Variants in MACROD2 observed in about 807,000 individuals in gnomAD.
MACROD2 encodes mono-ADP ribosylhydrolase 2.
MACROD2 carries 36 observed loss-of-function variants against 70.4 expected under a neutral mutation model. That is an observed-to-expected ratio of 0.51 (90% CI 0.39 to 0.68). MACROD2 has a LOEUF of 0.68. Ranked by LOEUF, MACROD2 falls within the 30% of genes least tolerant of loss-of-function variation. MACROD2 has a pLI of 0.00. For synonymous variants in MACROD2, 172 were observed against 178.8 expected (o/e 0.96, Z 0.30); for missense variants, 496 against 538.4 (o/e 0.92, Z 0.78).
Position 16,053,094 on chromosome 20 carries a change from GT to G in MACROD2, c.*3221del, listed in dbSNP as rs1382095539. 1 of 152,326 alleles carries G rather than the reference GT, an allele frequency of 6.6e-6. No individual in the cohort carries two copies. Among genetic ancestry groups the G allele is most frequent in the African/African-American group, 2.4e-5 (1 of 41,376 alleles). 9.4% of individuals were successfully genotyped at this position (152,326 alleles called of 1,614,324 possible). On this transcript the variant is annotated 3_prime_UTR_variant, in exon 18 of 18. Coordinates refer to ENST00000684519, the MANE Select transcript of MACROD2 (RefSeq NM_001351661.2). ...TGCTGGACTGCTTCTAAATCTGTTT[GT>G]TTCTTTTCATCTGTGCCATACACTA... is the stretch of plus-strand genomic sequence containing the variant.
At position 15,695,503 on chromosome 20, in the gene MACROD2, T is replaced by A. The variant is rs554301855; in HGVS notation, c.646-167242T>A. Among the ~76,000 whole-genome samples the A allele has an allele frequency of 1.1e-3, 160 of 151,612 alleles. 1 individual carries two copies. Among genetic ancestry groups the A allele is most frequent in the Non-Finnish European group, 1.9e-3 (131 of 67,878 alleles). On this transcript the variant is annotated intron_variant, in intron 8 of 17. Transcript: ENST00000684519. The stretch of plus-strand genomic sequence containing the variant: ...GGCTCACTGCAACTCCTCCATCTCC[T>A]GGGTTCAAGCAATTCTCTTGCCTCA...
intron 5 of MACROD2, among the ~76,000 whole-genome samples, chr20:14,815,679 A>G (rs1470715217): frequency 6.6e-6 from 1 of 152,096 alleles, no homozygotes; most frequent in African/African-American, 2.4e-5. Flanking sequence ...GTAGCACTCA[A>G]GCACAAGCGA....
At chr20:14,270,462 G>A (rs1234369264) in intron 3 of MACROD2, among the ~76,000 whole-genome samples, 2 of 151,936 alleles carry the variant, frequency 1.3e-5, no homozygotes, top group African/African-American at 2.4e-5. Context: ...GGTGGTGCAT[G>A]CCTGTAGTCC....
intron 8 of MACROD2, among the ~76,000 whole-genome samples, chr20:15,547,400 A>G (rs2048039154): frequency 6.6e-6 from 1 of 152,182 alleles, no homozygotes; most frequent in South Asian, 2.1e-4. Context: ...GCCTATCGCC[A>G]TCATTTTTTC....
At chr20:14,653,304 C>T (rs1227143663) in intron 4 of MACROD2, among the ~76,000 whole-genome samples, 1 of 151,548 alleles carries the variant, frequency 6.6e-6, no homozygotes, top group Non-Finnish European at 1.5e-5. Context: ...CTGCAAGCTC[C>T]GCCTCCCGGG....
chr20:15,745,242 G>A (rs1026582898), intron 8 of MACROD2, among the ~76,000 whole-genome samples: 3 of 151,930 alleles, frequency 2.0e-5, no homozygotes, highest in African/African-American at 7.3e-5. Flanking sequence ...CATTTATATC[G>A]GACACATACA....
At chr20:14,431,403 G>C (rs1453360174) in intron 3 of MACROD2, among the ~76,000 whole-genome samples, 1 of 152,124 alleles carries the variant, frequency 6.6e-6, no homozygotes, top group Non-Finnish European at 1.5e-5. Context: ...TTATTTTTAA[G>C]AGAAGATAAG....
intron 3 of MACROD2, among the ~76,000 whole-genome samples, chr20:14,223,727 C>G (rs1050993093): frequency 6.6e-6 from 1 of 151,962 alleles, no homozygotes. Context: ...AGGCTGGTCT[C>G]GACCTTGTGA....
intron 2 of MACROD2, among the ~76,000 whole-genome samples, chr20:14,028,244 A>T (rs1476785373): frequency 6.6e-6 from 1 of 152,112 alleles, no homozygotes; most frequent in Non-Finnish European, 1.5e-5. Flanking sequence ...AGCCTCAGTA[A>T]TGGCAGCTAC....
chr20:15,863,099 A>G (rs564978073), intron 9 of MACROD2, among the ~76,000 whole-genome samples: 1 of 152,058 alleles, frequency 6.6e-6, no homozygotes, highest in Admixed American at 6.5e-5. Flanking sequence ...TTAATAAAAG[A>G]TTTCTAAAGA....
chr20:15,274,113 G>A lies in MACROD2; in HGVS notation c.540+44052G>A, dbSNP rs555603328. On this transcript the variant is annotated intron_variant, in intron 6 of 17. Coordinates refer to ENST00000684519, the MANE Select transcript of MACROD2 (RefSeq NM_001351661.2). ...GACTGGTAAGAATAAGAAGACATGG[G>A]GAAAGGTGTTTATCATTTAAGGAAC... Among the ~76,000 whole-genome samples, 289 of 152,256 alleles carry A rather than the reference G, an allele frequency of 1.9e-3. 1 individual carries two copies. Among genetic ancestry groups the A allele is most frequent in the Non-Finnish European group, 3.8e-3 (257 of 68,022 alleles).
rs559812757 is a variant in MACROD2, at chr20:15,778,423, T to A, written c.646-84322T>A. On this transcript the variant is annotated intron_variant, in intron 8 of 17. Transcript: ENST00000684519. ...AGCTCTATTACTCTTTAAAATTTTT[T>A]AAATTCTATTCATAAGCGACACATA... Among the ~76,000 whole-genome samples the A allele has an allele frequency of 9.9e-4, 151 of 152,234 alleles. 1 individual carries two copies. The highest frequency in any genetic ancestry group is 1.6e-3 in the Non-Finnish European group (108 of 68,008).
At chr20:14,221,417 A>G (rs1414372222) in intron 3 of MACROD2, among the ~76,000 whole-genome samples, 5 of 152,216 alleles carry the variant, frequency 3.3e-5, no homozygotes, top group African/African-American at 7.2e-5. Flanking sequence ...CCTGTGAAGG[A>G]TAGGTATTAC....
chr20:15,662,518 A>G (rs2049835770), intron 8 of MACROD2, among the ~76,000 whole-genome samples: 1 of 152,190 alleles, frequency 6.6e-6, no homozygotes, highest in Admixed American at 6.5e-5. Context: ...TCTTATTTTG[A>G]AAAGATAAAG....
chr20:15,890,810 AT>A (rs2064879551), intron 10 of MACROD2, among the ~76,000 whole-genome samples: 1 of 152,118 alleles, frequency 6.6e-6, no homozygotes, highest in Admixed American at 6.5e-5. Context: ...CTGTAATGTA[AT>A]TTTAGAATCC....
At chr20:14,031,193 A>ACATT (rs757904910) in intron 2 of MACROD2, among the ~76,000 whole-genome samples, 55 of 152,222 alleles carry the variant, frequency 3.6e-4, no homozygotes, top group Non-Finnish European at 7.2e-4. Context: ...TAGGGTTGTA[A>ACATT]CATTCTCTTA....
chr20:15,922,254 A>G (rs1432324787), intron 10 of MACROD2, among the ~76,000 whole-genome samples: 3 of 152,246 alleles, frequency 2.0e-5, no homozygotes, highest in African/African-American at 7.2e-5. Context: ...AGCACTGTTC[A>G]ACAGAAATAT....
intron 7 of MACROD2, among the ~76,000 whole-genome samples, chr20:15,476,931 T>C (rs772515622): frequency 3.9e-5 from 6 of 152,074 alleles, no homozygotes; most frequent in Non-Finnish European, 8.8e-5. Context: ...AGAGGAAAAA[T>C]CTCGAATTAC....
At chr20:15,118,196 A>AAT (rs1465636938) in intron 5 of MACROD2, among the ~76,000 whole-genome samples, 1 of 146,050 alleles carries the variant, frequency 6.8e-6, no homozygotes, top group Non-Finnish European at 1.5e-5. Context: ...TTAATTTTAA[A>AAT]TTTTTTTTTT....
Sources: gnomAD v4.1 joint callset for allele counts (sites outside exome capture counted in the v4.1 genomes callset) on GRCh38, gnomAD v4.1.1 for gene constraint, MANE v1.5 for transcripts, NCBI Gene and HGNC (gene_info 2026-07-23, HGNC 2026-07-21) for gene names.